Variants in HPSE2 observed in about 807,000 individuals in gnomAD.
HPSE2 encodes the protein inactive heparanase-2.
HPSE2 carries 38 observed loss-of-function variants against 60.5 expected under a neutral mutation model. The ratio of observed to expected loss-of-function variants is 0.63; its 90% confidence interval spans 0.48 to 0.82. HPSE2 has a LOEUF of 0.82. Ranked by LOEUF, HPSE2 falls within the 40% of genes least tolerant of loss-of-function variation. HPSE2 has a pLI of 0.00. For missense variants in HPSE2, 713 were observed against 740.4 expected, an observed-to-expected ratio of 0.96 and a Z score of 0.43; for synonymous variants, 295 against 293.2, an observed-to-expected ratio of 1.01 and a Z score of -0.06.
chr10:99,165,081 C>CAA (rs56263581), intron 2 of HPSE2, among the ~76,000 whole-genome samples: 778 of 65,236 alleles, frequency 0.012, 11 homozygotes, highest in African/African-American at 0.015. Flanking sequence ...GACTCGGTCT[C>CAA]AAAAAAAAAA....
At chr10:99,304,169 GACTA>G in the HPSE2 span, among the ~76,000 whole-genome samples, 1 of 152,170 alleles carries the variant, frequency 6.6e-6, no homozygotes, top group Non-Finnish European at 1.5e-5. Context: ...CCAGATTGAG[GACTA>G]ACTAAAACAG....
intron 11 of HPSE2, among the ~76,000 whole-genome samples, chr10:98,467,498 G>A (rs1255950900): frequency 6.6e-6 from 1 of 152,140 alleles, no homozygotes; most frequent in East Asian, 1.9e-4. Flanking sequence ...AGGGAGAGAG[G>A]GAAGGGGGAG....
Position 99,144,411 on chromosome 10 carries a change from A to C in HPSE2, c.449-12T>G. 1 of 1,612,544 alleles carries C rather than the reference A, an allele frequency of 6.2e-7. No homozygotes were observed. The highest frequency in any genetic ancestry group is 8.5e-7 in the Non-Finnish European group (1 of 1,179,964). On this transcript the variant is annotated splice_polypyrimidine_tract_variant and intron_variant, in intron 2 of 11. Transcript: ENST00000370552. ...ACTTCGAACAATGTCTACAAAAAGA[A>C]AGAAAGAAGGCAGGCAGCAAAAACT... is the stretch of plus-strand genomic sequence containing the variant.
chr10:99,123,439 G>C (rs1449141221), intron 3 of HPSE2, among the ~76,000 whole-genome samples: 4 of 152,150 alleles, frequency 2.6e-5, no homozygotes, highest in Non-Finnish European at 5.9e-5. Flanking sequence ...AACACTAAAG[G>C]CTTTGCCTGC....
At chr10:98,797,566 G>A (rs373076253) in intron 3 of HPSE2, among the ~76,000 whole-genome samples, 320 of 152,176 alleles carry the variant, frequency 2.1e-3, no homozygotes, top group Non-Finnish European at 3.8e-3. Flanking sequence ...AGGGTAAGCC[G>A]GGCGCAGTGG....
chr10:98,936,136 T>C (rs1226907198), intron 3 of HPSE2, among the ~76,000 whole-genome samples: 1 of 144,414 alleles, frequency 6.9e-6, no homozygotes. Context: ...ACAGTAATGG[T>C]AGTTGCATCA....
chr10:98,774,060 T>A (rs1437984104), intron 3 of HPSE2, among the ~76,000 whole-genome samples: 1 of 151,990 alleles, frequency 6.6e-6, no homozygotes, highest in Non-Finnish European at 1.5e-5. Flanking sequence ...TGACATCCTG[T>A]AGCAAAAAAA....
At chr10:99,110,894 A>C (rs964756509) in intron 3 of HPSE2, among the ~76,000 whole-genome samples, 14 of 152,144 alleles carry the variant, frequency 9.2e-5, no homozygotes, top group African/African-American at 3.1e-4. Context: ...ACAGTTTATC[A>C]TTTTACACTT....
At chr10:98,681,718 G>C (rs1421633181) in intron 6 of HPSE2, among the ~76,000 whole-genome samples, 1 of 152,050 alleles carries the variant, frequency 6.6e-6, no homozygotes, top group Non-Finnish European at 1.5e-5. Context: ...CATTTCTACA[G>C]AATGCAAAAG....
intron 3 of HPSE2, among the ~76,000 whole-genome samples, chr10:98,800,861 C>A (rs1353163926): frequency 2.0e-5 from 3 of 152,174 alleles, no homozygotes; most frequent in South Asian, 2.1e-4. Context: ...CGGAATACTT[C>A]CAAACTCATT....
At chr10:98,585,024 T>C (rs1484640897) in intron 9 of HPSE2, among the ~76,000 whole-genome samples, 1 of 151,994 alleles carries the variant, frequency 6.6e-6, no homozygotes. Context: ...AATTTAAATT[T>C]TCTATTAGAC....
chr10:99,140,234 C>T (rs1029118946), intron 3 of HPSE2, among the ~76,000 whole-genome samples: 1 of 152,142 alleles, frequency 6.6e-6, no homozygotes, highest in African/African-American at 2.4e-5. Context: ...CACAGTAACA[C>T]TATAAAGCCA....
intron 3 of HPSE2, among the ~76,000 whole-genome samples, chr10:98,916,505 G>A (rs1590071280): frequency 6.6e-6 from 1 of 152,304 alleles, no homozygotes; most frequent in East Asian, 1.9e-4. Context: ...TCACATATCA[G>A]TTTATGAAAC....
At chr10:98,960,726 A>ATTTT (rs68091060) in intron 3 of HPSE2, among the ~76,000 whole-genome samples, 1 of 102,602 alleles carries the variant, frequency 9.7e-6, no homozygotes, top group African/African-American at 4.0e-5. Flanking sequence ...TTTTTGTTTT[A>ATTTT]TTTTTTTTAT....
At chr10:98,973,322 A>G (rs1956004577) in intron 3 of HPSE2, among the ~76,000 whole-genome samples, 1 of 152,224 alleles carries the variant, frequency 6.6e-6, no homozygotes, top group Non-Finnish European at 1.5e-5. Flanking sequence ...TGTCAAAATT[A>G]TCTGAATGAA....
intron 9 of HPSE2, among the ~76,000 whole-genome samples, chr10:98,538,174 G>A (rs547860235): frequency 5.9e-5 from 9 of 152,216 alleles, no homozygotes; most frequent in South Asian, 2.1e-4. Flanking sequence ...CGGTCTCTGC[G>A]TCTTGATGGT....
chr10:98,549,463 G>A (rs1589406519), intron 9 of HPSE2, among the ~76,000 whole-genome samples: 1 of 151,900 alleles, frequency 6.6e-6, no homozygotes, highest in East Asian at 1.9e-4. Context: ...CTTATATCTT[G>A]ACTTATTTCC....
intron 3 of HPSE2, among the ~76,000 whole-genome samples, chr10:98,850,561 C>T (rs907042505): frequency 6.6e-6 from 1 of 151,762 alleles, no homozygotes; most frequent in African/African-American, 2.4e-5. Context: ...ACGGTGAAAC[C>T]CCGTCTCTAC....
intron 2 of HPSE2, among the ~76,000 whole-genome samples, chr10:99,186,712 C>A (rs1176774654): frequency 3.3e-5 from 5 of 152,022 alleles, no homozygotes; most frequent in Non-Finnish European, 5.9e-5. Context: ...AACTTAAATT[C>A]CTGGAGGCAT....
Sources: allele counts gnomAD v4.1 joint callset (sites outside exome capture counted in the v4.1 genomes callset), GRCh38; gene constraint gnomAD v4.1.1; transcripts MANE v1.5; gene names NCBI Gene and HGNC (gene_info 2026-07-23, HGNC 2026-07-21).